ERBB4: variants seen among roughly 807,000 people sequenced by gnomAD.
The protein encoded by ERBB4 is erb-b2 receptor tyrosine kinase 4.
ERBB4 carries 42 observed loss-of-function variants against 158.0 expected under a neutral mutation model. That is an observed-to-expected ratio of 0.27 (90% confidence interval 0.21 to 0.34). The LOEUF is 0.34. Ranked by LOEUF, ERBB4 falls within the 10% of genes least tolerant of loss-of-function variation. The pLI is 1.00. For missense variants in ERBB4, 1,333 were observed against 1,624.1 expected, an observed-to-expected ratio of 0.82 and a Z score of 3.08; for synonymous variants, 583 against 558.7, an observed-to-expected ratio of 1.04 and a Z score of -0.61.
intron 13 of ERBB4, among the ~76,000 whole-genome samples, chr2:211,677,320 T>C (rs558895906): frequency 6.6e-5 from 10 of 152,194 alleles, no homozygotes; most frequent in Non-Finnish European, 1.3e-4. Flanking sequence ...ATCCCAGCAC[T>C]TTGGGAGGCC....
chr2:211,468,600 TA>T, intron 20 of ERBB4, among the ~76,000 whole-genome samples: 1 of 152,212 alleles, frequency 6.6e-6, no homozygotes, highest in South Asian at 2.1e-4. Context: ...CCCCCAAGTC[TA>T]CATACACCAA....
intron 20 of ERBB4, among the ~76,000 whole-genome samples, chr2:211,504,303 C>A (rs1479221151): frequency 3.9e-5 from 6 of 152,004 alleles, no homozygotes; most frequent in East Asian, 3.9e-4. Flanking sequence ...AACCTACAAA[C>A]AATGAGCATT....
chr2:212,061,439 T>C (rs771328785), intron 2 of ERBB4, among the ~76,000 whole-genome samples: 60 of 109,748 alleles, frequency 5.5e-4, no homozygotes, highest in Admixed American at 3.1e-3. Flanking sequence ...GGTGACAGAG[T>C]GAGACTCTGT....
At chr2:211,772,957 T>TATATATATA (rs1265057935) in intron 4 of ERBB4, among the ~76,000 whole-genome samples, 3 of 113,896 alleles carry the variant, frequency 2.6e-5, no homozygotes, top group Admixed American at 8.5e-5. Context: ...ATATATATAT[T>TATATATATA]TTTTTTTTTA....
intron 15 of ERBB4, among the ~76,000 whole-genome samples, chr2:211,659,839 T>G (rs531765238): frequency 6.6e-6 from 1 of 152,174 alleles, no homozygotes; most frequent in African/African-American, 2.4e-5. Context: ...AACAGATGTG[T>G]ATTGAATAAT....
intron 1 of ERBB4, among the ~76,000 whole-genome samples, chr2:212,294,510 C>A (rs932396046): frequency 2.0e-5 from 3 of 151,830 alleles, no homozygotes; most frequent in Non-Finnish European, 4.4e-5. Flanking sequence ...ATATACAAAA[C>A]TGTATTTCAA....
intron 1 of ERBB4, among the ~76,000 whole-genome samples, chr2:212,497,178 C>CAAAAA: frequency 1.6e-5 from 1 of 64,370 alleles, no homozygotes; most frequent in Non-Finnish European, 2.7e-5. Context: ...AACTCCATCT[C>CAAAAA]AAAAAAAAAA....
rs1486455950 is a variant in ERBB4, at chr2:211,712,069, G to A, written c.1105C>T (p.Leu369=). Residue 369 remains leucine (L), a synonymous_variant, in exon 9 of 28, where the codon CTA becomes TTA. Transcript: ENST00000342788. ...ACTGACCCATGAATACCAGTGACTA[G>A]AAAGATCAAATTCCCATTGATCTTG... ...CTKINGNLIF[L]VTGIHGDPYN... 6.2e-7 allele frequency: 1 copy of A among 1,611,518 alleles called. No homozygotes were observed. Among genetic ancestry groups the A allele is most frequent in the South Asian group, 1.1e-5 (1 of 91,024 alleles).
intron 3 of ERBB4, among the ~76,000 whole-genome samples, chr2:211,792,537 A>G (rs1055228881): frequency 1.3e-5 from 2 of 151,732 alleles, no homozygotes; most frequent in Admixed American, 6.6e-5. Flanking sequence ...TGTACACAAA[A>G]CTCAATTATT....
intron 1 of ERBB4, among the ~76,000 whole-genome samples, chr2:212,377,514 G>C (rs2090364874): frequency 1.3e-5 from 2 of 151,762 alleles, no homozygotes; most frequent in Admixed American, 1.3e-4. Context: ...TAGCATAATG[G>C]TAAATGTTTG....
intron 20 of ERBB4, among the ~76,000 whole-genome samples, chr2:211,509,113 C>A (rs750839204): frequency 2.0e-5 from 3 of 151,598 alleles, no homozygotes; most frequent in African/African-American, 7.3e-5. Flanking sequence ...TGTTCTCACT[C>A]ATAAGTGGGA....
chr2:211,846,321 C>A (rs942775848), intron 3 of ERBB4, among the ~76,000 whole-genome samples: 1 of 152,026 alleles, frequency 6.6e-6, no homozygotes, highest in African/African-American at 2.4e-5. Flanking sequence ...CAATATGGAT[C>A]AAAAAATTTA....
intron 2 of ERBB4, among the ~76,000 whole-genome samples, chr2:211,994,778 A>G (rs546764283): frequency 6.6e-6 from 1 of 152,326 alleles, no homozygotes; most frequent in South Asian, 2.1e-4. Flanking sequence ...GAAGGGAAAA[A>G]GAATTTACCT....
intron 4 of ERBB4, 50 bp downstream of exon 4, chr2:211,787,975 C>T (rs1559519551): frequency 6.3e-7 from 1 of 1,579,580 alleles, no homozygotes; most frequent in Non-Finnish European, 8.7e-7. Flanking sequence ...TCATTCATCG[C>T]CACATAGGGT....
At chr2:212,425,000 A>G (rs1017626993) in intron 1 of ERBB4, among the ~76,000 whole-genome samples, 1 of 151,962 alleles carries the variant, frequency 6.6e-6, no homozygotes, top group Non-Finnish European at 1.5e-5. Flanking sequence ...GTATCCGTGA[A>G]GAAAAAGTAC....
At chr2:212,412,235 G>A (rs1025084387) in intron 1 of ERBB4, among the ~76,000 whole-genome samples, 1 of 152,082 alleles carries the variant, frequency 6.6e-6, no homozygotes, top group African/African-American at 2.4e-5. Context: ...AAACTATTTT[G>A]TTCTCTCTGT....
chr2:211,383,108 C>CTAT lies in ERBB4; in HGVS notation c.*506_*507insATA. On this transcript the variant is annotated 3_prime_UTR_variant, in exon 28 of 28. Transcript: ENST00000342788. ...GAAACTGGATTCTCAATTTCAGACA[C>CTAT]CATCATATGTTATAGAAAATGTTAT... 1 of 233,440 alleles carries CTAT rather than the reference C, an allele frequency of 4.3e-6. No homozygotes were observed. The highest frequency in any genetic ancestry group is 1.8e-4 in the South Asian group (1 of 5,548). 14.5% of individuals were successfully genotyped at this position (233,440 alleles called of 1,614,324 possible).
intron 20 of ERBB4, among the ~76,000 whole-genome samples, chr2:211,442,699 GTA>G (rs2064012177): frequency 1.4e-5 from 2 of 141,782 alleles, no homozygotes; most frequent in African/African-American, 5.4e-5. Context: ...GTATACGTGT[GTA>G]TATATGTATT....
chr2:212,053,229 C>T (rs2077452694), intron 2 of ERBB4, among the ~76,000 whole-genome samples: 1 of 152,304 alleles, frequency 6.6e-6, no homozygotes, highest in East Asian at 1.9e-4. Flanking sequence ...CTCTTCAAAT[C>T]TATTACTTCT....
Sources: gnomAD v4.1 joint callset for allele counts (sites outside exome capture counted in the v4.1 genomes callset) on GRCh38, gnomAD v4.1.1 for gene constraint, MANE v1.5 for transcripts, NCBI Gene and HGNC (gene_info 2026-07-23, HGNC 2026-07-21) for gene names.